The following XPO1 variants were observed in gnomAD, a reference collection of about 807,000 sequenced individuals.
XPO1 encodes exportin-1.
A neutral mutation model predicts 133.3 loss-of-function variants in XPO1; 5 were observed. The observed-to-expected ratio is 0.04, with a 90% confidence interval of 0.02 to 0.08. The LOEUF (loss-of-function observed/expected upper bound fraction) is 0.08. XPO1 is among the 10% of genes least tolerant of loss of function. The pLI is 1.00. For synonymous variants in XPO1, 419 were observed against 408.2 expected (o/e 1.03, Z -0.32); for missense variants, 506 against 1,267.5 (o/e 0.40, Z 9.12).
At chr2:61,527,685 A>G (rs995766145) in intron 2 of XPO1, among the ~76,000 whole-genome samples, 6 of 152,168 alleles carry the variant, frequency 3.9e-5, no homozygotes, top group Non-Finnish European at 8.8e-5. Flanking sequence ...GGCTCCTAAC[A>G]TTTATTGTAA....
At chr2:61,481,138 G>T in intron 24 of XPO1, 47 bp downstream of exon 24, 2 of 1,204,712 alleles carry the variant, frequency 1.7e-6, no homozygotes, top group South Asian at 3.0e-5. Flanking sequence ...ACATAAAAGT[G>T]GTCACATCTA....
rs1553407661 is a variant in XPO1 at position 61,498,926 on chromosome 2, AC to A, written c.591-14del. The A allele has an allele frequency of 6.4e-6, 10 of 1,567,548 alleles. No individual in the cohort carries two copies. Among genetic ancestry groups the A allele is most frequent in the Middle Eastern group, 1.7e-4 (1 of 5,730 alleles). ...TTCATTGCACATGCTAAAAAAAAAA[AC>A]ACACAAAAATATCAGATTTAGAAGA... On this transcript the variant is annotated splice_polypyrimidine_tract_variant and intron_variant, in intron 7 of 24. Coordinates refer to ENST00000401558, the MANE Select transcript of XPO1 (RefSeq NM_003400.4).
At chr2:61,530,340 C>T (rs993488074) in intron 2 of XPO1, among the ~76,000 whole-genome samples, 1 of 152,022 alleles carries the variant, frequency 6.6e-6, no homozygotes, top group Middle Eastern at 3.2e-3. Flanking sequence ...CTAATCCCAC[C>T]ATTCTTACAT....
In XPO1 at chr2:61,485,765, C is replaced by T; in HGVS notation, c.2508+3G>A. ...CCCCTTACATAACTGAAATATTACA[C>T]ACCTTATTTATCATATTCAATGTGC... On this transcript the variant is annotated splice_donor_region_variant and intron_variant, in intron 20 of 24. Coordinates refer to ENST00000401558, the MANE Select transcript of XPO1 (RefSeq NM_003400.4). 6.3e-7 allele frequency: 1 copy of T among 1,599,510 alleles called. No homozygotes were observed. The highest frequency in any genetic ancestry group is 8.5e-7 in the Non-Finnish European group (1 of 1,170,206).
intron 3 of XPO1, 29 bp from the exon 4 acceptor site, chr2:61,522,712 A>T: frequency 6.6e-7 from 1 of 1,523,768 alleles, no homozygotes. Flanking sequence ...AAGCATGTGA[A>T]TATATTGCTT....
intron 4 of XPO1, among the ~76,000 whole-genome samples, chr2:61,504,058 T>C (rs1697678119): frequency 6.6e-6 from 1 of 152,170 alleles, no homozygotes. Context: ...AATGAATTAA[T>C]ATACGTGTTA....
intron 6 of XPO1, among the ~76,000 whole-genome samples, chr2:61,500,574 AT>A: frequency 7.2e-6 from 1 of 138,190 alleles, no homozygotes. Context: ...ATGAGACTCC[AT>A]CTCAAAAAAA....
In XPO1 at chr2:61,482,472, T is replaced by A. The variant is rs777343412; in HGVS notation, c.2880A>T (p.Thr960=). Residue 960 remains threonine, a synonymous_variant, in exon 23 of 25, where the codon ACA becomes ACT. Coordinates refer to ENST00000401558, the MANE Select transcript of XPO1 (RefSeq NM_003400.4). ...TAACTGGATTTCCAGGATTTAATGATGTACTTATTTTTCCTTCTTCAACCA... is the reference window on the plus strand; with the variant it reads ...TAACTGGATTTCCAGGATTTAATGAAGTACTTATTTTTCCTTCTTCAACCA... ...FNLVEEGKIS[T]SLNPGNPVNN... 1 of 1,613,606 alleles carries A rather than the reference T, an allele frequency of 6.2e-7. No individual in the cohort carries two copies. The highest frequency in any genetic ancestry group is 1.1e-5 in the South Asian group (1 of 90,972).
intron 16 of XPO1, among the ~76,000 whole-genome samples, chr2:61,491,459 A>AACACACAC (rs61072503): frequency 0.023 from 3,298 of 142,956 alleles, 52 homozygotes; most frequent in Non-Finnish European, 0.03. Flanking sequence ...TCAAAAAACA[A>AACACACAC]ACACACACAC....
At chr2:61,504,213 G>C (rs138888805) in intron 4 of XPO1, among the ~76,000 whole-genome samples, 2,718 of 152,242 alleles carry the variant, frequency 0.018, 37 homozygotes, top group Middle Eastern at 0.044. Context: ...TCTCTTCATA[G>C]TAAAACCTAC....
intron 4 of XPO1, among the ~76,000 whole-genome samples, chr2:61,510,540 C>T (rs1217085090): frequency 3.3e-5 from 5 of 152,040 alleles, no homozygotes; most frequent in Non-Finnish European, 5.9e-5. Flanking sequence ...TATGCACATC[C>T]GCCATTCTTA....
rs1696663744 is a variant in XPO1 at position 61,485,781 on chromosome 2, T to C, written c.2495A>G (p.Asn832Ser). 3 of 1,612,666 alleles carry C rather than the reference T, an allele frequency of 1.9e-6. No individual in the cohort carries two copies. The highest frequency in any genetic ancestry group is 2.5e-6 in the Non-Finnish European group (3 of 1,179,232). The change falls in exon 20 of 25, where the codon AAT (asparagine) becomes AGT (serine). Residue 832 changes from asparagine to serine, a missense_variant. This residue lies in a region of XPO1 where 203 missense variants were observed against 365.9 expected (regional missense o/e 0.55). Coordinates refer to ENST00000401558, the MANE Select transcript of XPO1 (RefSeq NM_003400.4). ...IFDAVFECTL[N>S]MINKDFEEYP... is the part of the protein sequence containing the mutation. ...AATATTACACACCTTATTTATCATATTCAATGTGCATTCAAAAACAGCATC... is the reference window on the plus strand; with the variant it reads ...AATATTACACACCTTATTTATCATACTCAATGTGCATTCAAAAACAGCATC...
intron 4 of XPO1, among the ~76,000 whole-genome samples, chr2:61,510,213 G>A (rs1698020373): frequency 6.6e-6 from 1 of 152,154 alleles, no homozygotes. Context: ...GAAGGCAGAG[G>A]TTGCAGTGAG....
At chr2:61,484,520 G>C (rs1050604881) in intron 20 of XPO1, 1 of 159,846 alleles carries the variant, frequency 6.3e-6, no homozygotes, top group Non-Finnish European at 1.4e-5. Context: ...CCAGGCTGTA[G>C]TGCAGTGGCG....
chr2:61,500,849 A>T (rs1697479500), intron 6 of XPO1, among the ~76,000 whole-genome samples: 1 of 152,158 alleles, frequency 6.6e-6, no homozygotes, highest in Non-Finnish European at 1.5e-5. Context: ...TTAATTAACC[A>T]TTGGTGATAA....
intron 4 of XPO1, among the ~76,000 whole-genome samples, chr2:61,513,147 C>T (rs537195918): frequency 6.6e-6 from 1 of 152,076 alleles, no homozygotes; most frequent in South Asian, 2.1e-4. Flanking sequence ...CTCCACCTCC[C>T]GAACTCAACT....
rs187535753 is a variant in XPO1 at position 61,494,825 on chromosome 2, T to C, written c.1047+630A>G. ...ATATATATACTTAAGTTTATATATATATATAAAGAGAGAGAGAGAGACATT... is the reference window on the plus strand; with the variant it reads ...ATATATATACTTAAGTTTATATATACATATAAAGAGAGAGAGAGAGACATT... On this transcript the variant is annotated intron_variant, in intron 11 of 24. Transcript: ENST00000401558. 6.1e-5 allele frequency: 9 copies of C among 148,116 alleles called. No individual in the cohort carries two copies. The East Asian group carries it at 1.8e-3, about 29-fold the overall frequency. 9.2% of individuals were successfully genotyped at this position (148,116 alleles called of 1,614,324 possible).
intron 2 of XPO1, among the ~76,000 whole-genome samples, chr2:61,533,038 G>A (rs1194557023): frequency 1.3e-5 from 2 of 152,018 alleles, no homozygotes; most frequent in African/African-American, 2.4e-5. Flanking sequence ...AATTAGCCAG[G>A]CATGGTGGCG....
At chr2:61,503,573 C>G (rs779571640) in intron 4 of XPO1, among the ~76,000 whole-genome samples, 4 of 152,106 alleles carry the variant, frequency 2.6e-5, no homozygotes, top group African/African-American at 9.7e-5. Flanking sequence ...TACAGGCGCC[C>G]GCCACCATGC....
Sources: allele counts gnomAD v4.1 joint callset (sites outside exome capture counted in the v4.1 genomes callset), GRCh38; gene constraint gnomAD v4.1.1; regional missense constraint gnomAD v4.1.1; transcripts MANE v1.5; gene names NCBI Gene and HGNC (gene_info 2026-07-23, HGNC 2026-07-21).